Variants in PTPRD observed in about 807,000 individuals in gnomAD.
The protein encoded by PTPRD is protein tyrosine phosphatase receptor type D, also known as receptor-type tyrosine-protein phosphatase delta.
A neutral mutation model predicts 214.5 loss-of-function variants in PTPRD; 34 were observed. That is an observed-to-expected ratio of 0.16 (90% confidence interval 0.12 to 0.21). The LOEUF is 0.21. PTPRD is among the 10% of genes least tolerant of loss of function. The probability of loss-of-function intolerance (pLI) is 1.00; values close to 1 mark genes in which losing one functional copy is unlikely to be tolerated. For synonymous variants in PTPRD, 1,128 were observed against 845.7 expected, an observed-to-expected ratio of 1.33 and a Z score of -5.79; for missense variants, 2,545 against 2,398.7, an observed-to-expected ratio of 1.06 and a Z score of -1.27.
At chr9:8,957,118 T>C (rs910980408) in intron 11 of PTPRD, among the ~76,000 whole-genome samples, 1 of 151,886 alleles carries the variant, frequency 6.6e-6, no homozygotes, top group Admixed American at 6.6e-5. Context: ...TTGACAAAGC[T>C]GCACTATGAC....
chr9:9,880,211 C>T (rs2068215371), intron 5 of PTPRD, among the ~76,000 whole-genome samples: 1 of 152,130 alleles, frequency 6.6e-6, no homozygotes, highest in African/African-American at 2.4e-5. Context: ...GACATGCCTG[C>T]TTCCCCTTCC....
chr9:9,506,740 A>C (rs2154238015), intron 8 of PTPRD, among the ~76,000 whole-genome samples: 1 of 151,536 alleles, frequency 6.6e-6, no homozygotes, highest in East Asian at 1.9e-4. Flanking sequence ...AGTTATCTGG[A>C]GTAATGCAAG....
chr9:9,628,806 A>G (rs532549614), intron 7 of PTPRD, among the ~76,000 whole-genome samples: 1 of 152,058 alleles, frequency 6.6e-6, no homozygotes, highest in African/African-American at 2.4e-5. Flanking sequence ...GAATAAAATC[A>G]TTATATATAC....
At chr9:9,982,630 T>C (rs760498004) in intron 4 of PTPRD, among the ~76,000 whole-genome samples, 1 of 152,074 alleles carries the variant, frequency 6.6e-6, no homozygotes, top group Non-Finnish European at 1.5e-5. Context: ...TCCAGTTGCA[T>C]TGTGTATTAT....
chr9:10,413,790 C>G (rs1313975498), intron 2 of PTPRD, among the ~76,000 whole-genome samples: 1 of 151,760 alleles, frequency 6.6e-6, no homozygotes, highest in South Asian at 2.1e-4. Context: ...ACTAGAAAAC[C>G]CAGACATAAG....
chr9:9,030,070 T>G (rs549713582), intron 10 of PTPRD, among the ~76,000 whole-genome samples: 12 of 151,776 alleles, frequency 7.9e-5, no homozygotes, highest in Non-Finnish European at 1.3e-4. Flanking sequence ...GAGAACAGTG[T>G]GGGATCATGG....
chr9:10,107,434 G>A (rs1004895818), intron 3 of PTPRD, among the ~76,000 whole-genome samples: 1 of 151,932 alleles, frequency 6.6e-6, no homozygotes, highest in Non-Finnish European at 1.5e-5. Context: ...TTTTACAGAA[G>A]CAGCCCTGGA....
At chr9:10,481,565 A>G (rs570480761) in intron 2 of PTPRD, among the ~76,000 whole-genome samples, 17 of 152,310 alleles carry the variant, frequency 1.1e-4, no homozygotes, top group African/African-American at 3.8e-4. Context: ...AATGTCTCTT[A>G]GCCTCATGAG....
At chr9:9,848,771 A>C (rs553675909) in intron 5 of PTPRD, among the ~76,000 whole-genome samples, 5 of 152,272 alleles carry the variant, frequency 3.3e-5, no homozygotes, top group Non-Finnish European at 7.4e-5. Context: ...TCATGTAGAC[A>C]GAACCCATTA....
chr9:10,418,657 T>C (rs1221928912), intron 2 of PTPRD, among the ~76,000 whole-genome samples: 2 of 151,824 alleles, frequency 1.3e-5, no homozygotes, highest in East Asian at 2.0e-4. Context: ...AACAGGAACA[T>C]TGTTTTGTTC....
At chr9:10,316,070 A>G (rs984435146) in intron 3 of PTPRD, among the ~76,000 whole-genome samples, 9 of 148,620 alleles carry the variant, frequency 6.1e-5, no homozygotes, top group African/African-American at 2.2e-4. Context: ...ATGGTGTTGT[A>G]ATATATATAT....
intron 2 of PTPRD, among the ~76,000 whole-genome samples, chr9:10,402,196 T>C (rs2098280429): frequency 6.6e-6 from 1 of 151,720 alleles, no homozygotes; most frequent in Admixed American, 6.6e-5. Flanking sequence ...ATTATTTAGA[T>C]ATCTTCAGAT....
In PTPRD at chr9:8,947,908, C is replaced by T. The variant is rs568222617; in HGVS notation, c.-104+70789G>A. Among the ~76,000 whole-genome samples, 3 of 152,078 alleles carry T rather than the reference C, an allele frequency of 2.0e-5. No individual in the cohort carries two copies. In the South Asian group the frequency reaches 6.2e-4, roughly 32 times the overall value. On this transcript the variant is annotated intron_variant, in intron 11 of 45. Coordinates refer to ENST00000381196, the MANE Select transcript of PTPRD (RefSeq NM_002839.4). ...TTGGCTCATCTAATCCTCACAAATA[C>T]ATCACGAATTGGTATTACTAGTATC...
intron 12 of PTPRD, among the ~76,000 whole-genome samples, chr9:8,666,990 GTTAT>G (rs1386025384): frequency 6.6e-6 from 1 of 152,126 alleles, no homozygotes; most frequent in Non-Finnish European, 1.5e-5. Flanking sequence ...CTATAACAAT[GTTAT>G]TTAATATAAT....
At chr9:9,778,833 CA>C (rs1565194178) in intron 5 of PTPRD, among the ~76,000 whole-genome samples, 1 of 151,862 alleles carries the variant, frequency 6.6e-6, no homozygotes, top group Non-Finnish European at 1.5e-5. Context: ...CAACCAAAGT[CA>C]TTGTTCACAA....
chr9:9,966,822 G>T (rs181438810), intron 4 of PTPRD, among the ~76,000 whole-genome samples: 1 of 152,242 alleles, frequency 6.6e-6, no homozygotes. Flanking sequence ...GAGCATCGAG[G>T]AAGAGAAGAA....
At chr9:9,071,561 G>T (rs2099743792) in intron 10 of PTPRD, among the ~76,000 whole-genome samples, 2 of 152,100 alleles carry the variant, frequency 1.3e-5, no homozygotes, top group Admixed American at 6.6e-5. Context: ...ATGGCCTCTG[G>T]TCCCTGAGGT....
At chr9:8,779,813 GGTT>G (rs1366586294) in intron 11 of PTPRD, among the ~76,000 whole-genome samples, 11 of 139,562 alleles carry the variant, frequency 7.9e-5, no homozygotes, top group African/African-American at 2.7e-4. Context: ...ATGTTTTGTT[GGTT>G]TTTTTTTTTT....
At chr9:8,644,834 GTC>G (rs2096653210) in intron 12 of PTPRD, among the ~76,000 whole-genome samples, 1 of 152,198 alleles carries the variant, frequency 6.6e-6, no homozygotes. Flanking sequence ...CTGACTCGCA[GTC>G]TCCCTTGAAG....
Sources: gnomAD v4.1 joint callset for allele counts (sites outside exome capture counted in the v4.1 genomes callset) on GRCh38, gnomAD v4.1.1 for gene constraint, MANE v1.5 for transcripts, NCBI Gene and HGNC (gene_info 2026-07-23, HGNC 2026-07-21) for gene names.